ARRB1: variants seen among roughly 807,000 people sequenced by gnomAD.
ARRB1 encodes the protein beta-arrestin-1.
A neutral mutation model predicts 56.8 loss-of-function variants in ARRB1; 21 were observed. The observed-to-expected ratio is 0.37, with a 90% CI of 0.26 to 0.53. The LOEUF (loss-of-function observed/expected upper bound fraction) is 0.53, where lower values mean the gene tolerates loss of function less well. Among genes scored for constraint, ARRB1 ranks in the 20% least tolerant of loss-of-function variants. ARRB1 has a pLI of 0.88. For missense variants in ARRB1, 424 were observed against 553.7 expected (o/e 0.77, Z 2.35); for synonymous variants, 210 against 218.6 (o/e 0.96, Z 0.35).
At position 75,347,260 on chromosome 11, in the gene ARRB1, C is replaced by T. The variant is rs984288121; in HGVS notation, c.20+4328G>A. 2.6e-5 allele frequency among the ~76,000 whole-genome samples: 4 copies of T among 152,226 alleles called. No individual in the cohort carries two copies. In the South Asian group the frequency reaches 8.3e-4, roughly 32 times the overall value. ...GTGGGCCAGACTTGATGCTACCACT[C>T]CCAGCGGCCCCATGAGCAGCCCTGG... On this transcript the variant is annotated intron_variant, in intron 1 of 15. Coordinates refer to ENST00000420843, the MANE Select transcript of ARRB1 (RefSeq NM_004041.5).
intron 1 of ARRB1, among the ~76,000 whole-genome samples, chr11:75,317,702 G>C (rs1947285974): frequency 6.6e-6 from 1 of 152,194 alleles, no homozygotes; most frequent in South Asian, 2.1e-4. Flanking sequence ...CAGCCTCAGA[G>C]TCACTCCACA....
intron 1 of ARRB1, among the ~76,000 whole-genome samples, chr11:75,296,754 T>A (rs1411092514): frequency 6.6e-5 from 10 of 152,148 alleles, no homozygotes; most frequent in Non-Finnish European, 2.9e-5. Context: ...CGAGGCTCAC[T>A]GCAACCTCCA....
At chr11:75,323,643 G>A (rs1397949340) in intron 1 of ARRB1, among the ~76,000 whole-genome samples, 1 of 151,958 alleles carries the variant, frequency 6.6e-6, no homozygotes, top group African/African-American at 2.4e-5. Context: ...AAAAAAATAA[G>A]TGTACCTGGA....
In ARRB1 at chr11:75,263,340, AG is replaced by A. The variant is rs950000763; in HGVS notation, c.*2822del. Among the ~76,000 whole-genome samples, 1 of 152,218 alleles carries A rather than the reference AG, an allele frequency of 6.6e-6. No individual in the cohort carries two copies. The highest frequency in any genetic ancestry group is 6.5e-5 in the Admixed American group (1 of 15,284). The stretch of plus-strand genomic sequence containing the variant: ...GGCTTCCTCTCCAGGAAGAGGCTGA[AG>A]GAAACACTTTGGCCTGTGTGTCCCT... On this transcript the variant is annotated 3_prime_UTR_variant, in exon 16 of 16. Coordinates refer to ENST00000420843, the MANE Select transcript of ARRB1 (RefSeq NM_004041.5).
rs368449308 is a variant in ARRB1, at chr11:75,276,909, G to A, written c.706C>T (p.Arg236Cys). 12 of 1,614,002 alleles carry A rather than the reference G, an allele frequency of 7.4e-6. No homozygotes were observed. The highest frequency in any genetic ancestry group is 1.6e-4 in the Middle Eastern group (1 of 6,084). ...KTVKKIKISVRQYADICLFNT... is the reference protein window; with the variant it reads ...KTVKKIKISVCQYADICLFNT... ...AAAAGGCAGATGTCTGCATACTGGC[G>A]CACTAGGGAGGGAGAGGAATCAAGG... The change falls in exon 10 of 16, where the codon CGC (arginine) becomes TGC (cysteine). Residue 236 changes from arginine (R) to cysteine (C), a missense_variant and splice_region_variant. This residue lies in a region of ARRB1 where 301 missense variants were observed against 387.9 expected (regional missense o/e 0.78). Transcript: ENST00000420843.
At chr11:75,318,147 CTTTTTTTTT>C (rs547084580) in intron 1 of ARRB1, among the ~76,000 whole-genome samples, 1 of 76,878 alleles carries the variant, frequency 1.3e-5, no homozygotes, top group Non-Finnish European at 2.3e-5. Flanking sequence ...GCATTTCTAA[CTTTTTTTTT>C]TTTTTTTTTT....
chr11:75,321,824 C>G (rs1414050874), intron 1 of ARRB1, among the ~76,000 whole-genome samples: 1 of 152,180 alleles, frequency 6.6e-6, no homozygotes, highest in Non-Finnish European at 1.5e-5. Context: ...GTGTCAGATG[C>G]TGTTGGCCAT....
At chr11:75,337,754 G>C (rs568183946) in intron 1 of ARRB1, among the ~76,000 whole-genome samples, 1 of 140,452 alleles carries the variant, frequency 7.1e-6, no homozygotes, top group African/African-American at 2.6e-5. Context: ...CAGGTGCCCT[G>C]TGCAGTTGTT....
chr11:75,339,116 T>C (rs987162136), intron 1 of ARRB1, among the ~76,000 whole-genome samples: 4 of 152,252 alleles, frequency 2.6e-5, no homozygotes, highest in Non-Finnish European at 4.4e-5. Context: ...ACATGGCCCC[T>C]GGCTGCCAGC....
intron 1 of ARRB1, among the ~76,000 whole-genome samples, chr11:75,300,446 A>C (rs1056848698): frequency 1.3e-5 from 2 of 152,176 alleles, no homozygotes; most frequent in Non-Finnish European, 2.9e-5. Context: ...TAGATATCAG[A>C]GCCCAGATAC....
In ARRB1 at chr11:75,277,425, G is replaced by A. The variant is rs375976594; in HGVS notation, c.642C>T (p.Ile214=). ...DKEIYYHGEP[I]SVNVHVTNNT... is the part of the protein sequence containing the mutation. ...TGTTGGTGACGTGGACGTTGACGCT[G>A]ATGGGTTCTCCATGGTAATAGATCT... Residue 214 remains isoleucine, a synonymous_variant, in exon 9 of 16, where the codon ATC becomes ATT. Coordinates refer to ENST00000420843, the MANE Select transcript of ARRB1 (RefSeq NM_004041.5). The A allele has an allele frequency of 3.7e-6, 6 of 1,614,080 alleles. No homozygotes were observed. Among genetic ancestry groups the A allele is most frequent in the Non-Finnish European group, 5.1e-6 (6 of 1,180,030 alleles).
At chr11:75,275,933 C>T (rs1336157610) in intron 10 of ARRB1, among the ~76,000 whole-genome samples, 1 of 152,212 alleles carries the variant, frequency 6.6e-6, no homozygotes, top group Non-Finnish European at 1.5e-5. Context: ...GGTTCTAGAT[C>T]ACTTCACTTT....
At chr11:75,296,019 T>C (rs901738582) in intron 1 of ARRB1, among the ~76,000 whole-genome samples, 1 of 151,970 alleles carries the variant, frequency 6.6e-6, no homozygotes, top group Admixed American at 6.6e-5. Context: ...ACCTTGTCTC[T>C]ACTAAAAATA....
chr11:75,338,475 C>T (rs1282282461), intron 1 of ARRB1, among the ~76,000 whole-genome samples: 1 of 151,336 alleles, frequency 6.6e-6, no homozygotes, highest in Non-Finnish European at 1.5e-5. Flanking sequence ...GGGAGCTCAG[C>T]ACACCCCCAT....
intron 1 of ARRB1, among the ~76,000 whole-genome samples, chr11:75,315,461 A>G (rs1947249940): frequency 6.6e-6 from 1 of 151,986 alleles, no homozygotes; most frequent in Non-Finnish European, 1.5e-5. Flanking sequence ...TTGCACCCCA[A>G]CAAAGCCTCC....
intron 5 of ARRB1, among the ~76,000 whole-genome samples, chr11:75,282,752 G>A (rs1325694765): frequency 6.6e-6 from 1 of 152,188 alleles, no homozygotes; most frequent in African/African-American, 2.4e-5. Context: ...CGTAGAAAAG[G>A]TGACTCCATG....
chr11:75,327,262 A>T (rs1356348496), intron 1 of ARRB1, among the ~76,000 whole-genome samples: 2 of 138,618 alleles, frequency 1.4e-5, no homozygotes. Context: ...AGATGGCGCC[A>T]CTGCACTCCA....
chr11:75,284,292 C>T lies in ARRB1; in HGVS notation c.113-13G>A. ...AGGACCACACCATCTGGGGAAAGGA[C>T]AGAGAGTAAGCGGCCTCTCCCAACC... On this transcript the variant is annotated splice_polypyrimidine_tract_variant and intron_variant, in intron 3 of 15. Coordinates refer to ENST00000420843, the MANE Select transcript of ARRB1 (RefSeq NM_004041.5). 6.2e-7 allele frequency: 1 copy of T among 1,606,406 alleles called. No homozygotes were observed. The highest frequency in any genetic ancestry group is 1.3e-5 in the African/African-American group (1 of 74,946).
chr11:75,315,647 T>A (rs1202581700), intron 1 of ARRB1, among the ~76,000 whole-genome samples: 1 of 152,034 alleles, frequency 6.6e-6, no homozygotes, highest in Admixed American at 6.6e-5. Flanking sequence ...TAGAGAGTGG[T>A]TTTCTTGGTA....
Sources: allele counts gnomAD v4.1 joint callset (sites outside exome capture counted in the v4.1 genomes callset), GRCh38; gene constraint gnomAD v4.1.1; regional missense constraint gnomAD v4.1.1; transcripts MANE v1.5; gene names NCBI Gene and HGNC (gene_info 2026-07-23, HGNC 2026-07-21).